Variants in CDH9 observed in about 807,000 individuals in gnomAD.
CDH9 encodes the protein cadherin-9.
Under a neutral mutation model 70.9 loss-of-function variants are expected in CDH9, and 28 were observed. The ratio of observed to expected loss-of-function variants is 0.40; its 90% CI spans 0.29 to 0.54. CDH9 has a LOEUF of 0.54. CDH9 is among the 20% of genes least tolerant of loss of function. The pLI is 0.59. For synonymous variants in CDH9, 409 were observed against 343.1 expected, an observed-to-expected ratio of 1.19 and a Z score of -2.12; for missense variants, 874 against 984.4, an observed-to-expected ratio of 0.89 and a Z score of 1.50.
At chr5:26,887,970 CA>C (rs952773294) in intron 9 of CDH9, among the ~76,000 whole-genome samples, 2 of 152,106 alleles carry the variant, frequency 1.3e-5, no homozygotes, top group African/African-American at 4.8e-5. Flanking sequence ...TTTATACTTC[CA>C]GCCTCCAAAA....
intron 1 of CDH9, among the ~76,000 whole-genome samples, chr5:27,009,371 G>C (rs1472677726): frequency 6.6e-6 from 1 of 152,112 alleles, no homozygotes; most frequent in Non-Finnish European, 1.5e-5. Flanking sequence ...TGACACAGAG[G>C]TAGTGTAAAC....
At chr5:26,922,708 T>C (rs1465718312) in intron 2 of CDH9, among the ~76,000 whole-genome samples, 1 of 151,870 alleles carries the variant, frequency 6.6e-6, no homozygotes, top group Non-Finnish European at 1.5e-5. Flanking sequence ...TTATAACATA[T>C]TATAAGACTG....
intron 2 of CDH9, among the ~76,000 whole-genome samples, chr5:26,962,017 C>T (rs1742045444): frequency 1.3e-5 from 2 of 152,118 alleles, no homozygotes; most frequent in Admixed American, 6.6e-5. Context: ...TGATGTCGCC[C>T]TCCCTGTGTC....
chr5:26,940,773 G>A (rs1184509952), intron 2 of CDH9, among the ~76,000 whole-genome samples: 1 of 152,148 alleles, frequency 6.6e-6, no homozygotes, highest in African/African-American at 2.4e-5. Flanking sequence ...TTTGAAAAAC[G>A]AGGTACTATT....
intron 5 of CDH9, among the ~76,000 whole-genome samples, chr5:26,904,279 T>C (rs1409359140): frequency 6.6e-6 from 1 of 151,896 alleles, no homozygotes; most frequent in African/African-American, 2.4e-5. Flanking sequence ...CAATGTTTCT[T>C]TTTTTTGCTG....
intron 1 of CDH9, among the ~76,000 whole-genome samples, chr5:26,992,429 A>T (rs1031808088): frequency 5.9e-5 from 9 of 152,228 alleles, no homozygotes; most frequent in Non-Finnish European, 7.3e-5. Context: ...ACACAGCAGA[A>T]CAATGGCCAT....
At chr5:26,914,691 G>T (rs1366805191) in intron 3 of CDH9, among the ~76,000 whole-genome samples, 1 of 151,956 alleles carries the variant, frequency 6.6e-6, no homozygotes, top group Admixed American at 6.6e-5. Context: ...CAGTAAAGGT[G>T]GATAAGTTTG....
chr5:26,938,649 C>A (rs1741604432), intron 2 of CDH9, among the ~76,000 whole-genome samples: 2 of 152,042 alleles, frequency 1.3e-5, no homozygotes, highest in African/African-American at 4.8e-5. Context: ...TATGTCAATG[C>A]TCTCTTCAAA....
At chr5:26,905,446 C>A (rs572230119) in intron 5 of CDH9, among the ~76,000 whole-genome samples, 1 of 152,152 alleles carries the variant, frequency 6.6e-6, no homozygotes, top group African/African-American at 2.4e-5. Flanking sequence ...GCTAAATAAG[C>A]CCATCTGCAC....
intron 1 of CDH9, among the ~76,000 whole-genome samples, chr5:27,000,215 C>T (rs981607093): frequency 6.6e-6 from 1 of 151,930 alleles, no homozygotes; most frequent in Admixed American, 6.6e-5. Flanking sequence ...AAAAGTTCTG[C>T]AAAGATATCT....
chr5:26,904,639 T>G (rs1366646216), intron 5 of CDH9, among the ~76,000 whole-genome samples: 2 of 152,078 alleles, frequency 1.3e-5, no homozygotes, highest in African/African-American at 4.8e-5. Context: ...ACTAATTCTT[T>G]CTGACTTCAA....
At chr5:26,948,678 T>C (rs1024829477) in intron 2 of CDH9, among the ~76,000 whole-genome samples, 4 of 152,192 alleles carry the variant, frequency 2.6e-5, no homozygotes, top group Admixed American at 6.5e-5. Flanking sequence ...TATTAATATA[T>C]GGAAAGAATC....
At chr5:26,938,588 A>T (rs4560514) in intron 2 of CDH9, among the ~76,000 whole-genome samples, 145,587 of 152,168 alleles carry the variant, frequency 0.96, 69,723 homozygotes, top group East Asian at 0.99. Flanking sequence ...TAAAATTAAT[A>T]ATACACCTAA....
rs145356863 is a variant in CDH9, at chr5:26,997,185, G to T, written c.-49-8803C>A. 4.3e-3 allele frequency among the ~76,000 whole-genome samples: 655 copies of T among 152,184 alleles called. 5 individuals are homozygous for T. Among genetic ancestry groups the T allele is most frequent in the African/African-American group, 0.015 (622 of 41,534 alleles). On this transcript the variant is annotated intron_variant, in intron 1 of 11. Transcript: ENST00000231021. ...CCAGAATATGAGAAAATTAACTGTTGTCTGTAATGATGGTGGAGCTAGTTT... is the reference window on the plus strand; with the variant it reads ...CCAGAATATGAGAAAATTAACTGTTTTCTGTAATGATGGTGGAGCTAGTTT...
rs76149001 is a variant in CDH9, at chr5:26,946,133, T to C, written c.229-30209A>G. ...TGATCTGAGTAAAAAATTGAGATGT[T>C]TGATAACTTGAAAGTTTCTAGCTGT... On this transcript the variant is annotated intron_variant, in intron 2 of 11. Coordinates refer to ENST00000231021, the MANE Select transcript of CDH9 (RefSeq NM_016279.4). 3.5e-3 allele frequency among the ~76,000 whole-genome samples: 540 copies of C among 152,248 alleles called. 23 individuals carry two copies. In the East Asian group the frequency reaches 0.088, roughly 25 times the overall value.
chr5:26,952,921 A>AAGC (rs1554000080), intron 2 of CDH9, among the ~76,000 whole-genome samples: 52 of 129,344 alleles, frequency 4.0e-4, no homozygotes, highest in African/African-American at 1.5e-3. Flanking sequence ...AAAAAAAAAA[A>AAGC]AGTTTAAAGA....
chr5:26,907,763 A>T (rs2111994045), intron 3 of CDH9, among the ~76,000 whole-genome samples: 1 of 152,196 alleles, frequency 6.6e-6, no homozygotes, highest in African/African-American at 2.4e-5. Flanking sequence ...GCCCTTGGAC[A>T]AAGCTAGATT....
chr5:27,018,292 T>C (rs994999161), intron 1 of CDH9, among the ~76,000 whole-genome samples: 25 of 151,776 alleles, frequency 1.6e-4, no homozygotes, highest in African/African-American at 5.8e-4. Context: ...TCCTCACGTA[T>C]GTATCATCTT....
rs930860161 is a variant in CDH9 at position 26,926,288 on chromosome 5, T to A, written c.229-10364A>T. On this transcript the variant is annotated intron_variant, in intron 2 of 11. Coordinates refer to ENST00000231021, the MANE Select transcript of CDH9 (RefSeq NM_016279.4). The stretch of plus-strand genomic sequence containing the variant: ...CGTGCAAAAATCACAAGCATTCTTA[T>A]ACACCAATAACAGACAACAGAGAGA... Among the ~76,000 whole-genome samples the A allele has an allele frequency of 4.1e-4, 9 of 22,204 alleles. No homozygotes were observed. In the Admixed American group the frequency reaches 4.5e-3, roughly 11 times the overall value. 14.6% of individuals were successfully genotyped at this position (22,204 alleles called of 152,430 possible). A position where few individuals can be genotyped will look rare whatever the true frequency, so the allele number is the denominator to read the frequency against.
Sources: allele counts gnomAD v4.1 joint callset (sites outside exome capture counted in the v4.1 genomes callset), GRCh38; gene constraint gnomAD v4.1.1; transcripts MANE v1.5; gene names NCBI Gene and HGNC (gene_info 2026-07-23, HGNC 2026-07-21).